The following PDE1C variants were observed in gnomAD, a reference collection of about 807,000 sequenced individuals.
The protein encoded by PDE1C is phosphodiesterase 1C.
Under a neutral mutation model 93.1 loss-of-function variants are expected in PDE1C, and 62 were observed. That is an observed-to-expected ratio of 0.67 (90% CI 0.54 to 0.82). The LOEUF (loss-of-function observed/expected upper bound fraction) is 0.82. PDE1C is among the 40% of genes least tolerant of loss of function. The pLI is 0.00. For missense variants in PDE1C, 742 were observed against 884.6 expected, an observed-to-expected ratio of 0.84 and a Z score of 2.04; for synonymous variants, 325 against 310.1, an observed-to-expected ratio of 1.05 and a Z score of -0.50.
chr7:31,974,823 G>A (rs1404713808), intron 2 of PDE1C, among the ~76,000 whole-genome samples: 1 of 152,190 alleles, frequency 6.6e-6, no homozygotes, highest in Non-Finnish European at 1.5e-5. Context: ...GGTGATGGTT[G>A]TACAACTCTG....
chr7:31,760,759 TACAC>T (rs10573498), intron 17 of PDE1C, among the ~76,000 whole-genome samples: 48,679 of 148,474 alleles, frequency 0.33, 7,805 homozygotes, highest in Admixed American at 0.38. Flanking sequence ...CTGCAATGTG[TACAC>T]ACACACACAC....
chr7:32,194,083 T>A (rs1804434561), intron 2 of PDE1C, among the ~76,000 whole-genome samples: 1 of 151,880 alleles, frequency 6.6e-6, no homozygotes, highest in Non-Finnish European at 1.5e-5. Context: ...CCCGGTAATT[T>A]TTTTGTATTT....
the PDE1C span, among the ~76,000 whole-genome samples, chr7:31,621,492 T>C: frequency 7.1e-6 from 1 of 141,684 alleles, no homozygotes; most frequent in African/African-American, 2.7e-5. Context: ...CAGAATTTCA[T>C]ATCCAGCCAA....
intron 16 of PDE1C, among the ~76,000 whole-genome samples, chr7:31,806,746 C>T (rs569245118): frequency 2.0e-5 from 3 of 151,884 alleles, no homozygotes; most frequent in African/African-American, 4.8e-5. Flanking sequence ...CCCAGATACT[C>T]CCTCTCAAAT....
chr7:31,921,370 A>C (rs1486792956), intron 2 of PDE1C, among the ~76,000 whole-genome samples: 2 of 152,206 alleles, frequency 1.3e-5, no homozygotes, highest in Non-Finnish European at 2.9e-5. Flanking sequence ...AGGAGTTTCT[A>C]GTCTGTAGAG....
intron 9 of PDE1C, among the ~76,000 whole-genome samples, chr7:31,844,821 T>A (rs978681537): frequency 6.6e-6 from 1 of 152,074 alleles, no homozygotes; most frequent in Non-Finnish European, 1.5e-5. Context: ...TAACTTCTAC[T>A]CATTTAAAAC....
At chr7:31,666,997 G>A in the PDE1C span, among the ~76,000 whole-genome samples, 2 of 152,164 alleles carry the variant, frequency 1.3e-5, no homozygotes, top group Non-Finnish European at 2.9e-5. Context: ...AAACAACAGA[G>A]AAGGAAAGAC....
At chr7:32,414,212 CAAAA>C (rs112389316) in intron 1 of PDE1C, among the ~76,000 whole-genome samples, 1 of 104,036 alleles carries the variant, frequency 9.6e-6, no homozygotes, top group African/African-American at 3.5e-5. Context: ...GACCCAGTCT[CAAAA>C]AAAAAAAAGG....
At chr7:31,887,699 G>A (rs1798124894) in intron 2 of PDE1C, among the ~76,000 whole-genome samples, 1 of 151,924 alleles carries the variant, frequency 6.6e-6, no homozygotes, top group Non-Finnish European at 1.5e-5. Flanking sequence ...CCATGTGCAG[G>A]GTCACAGAGA....
At chr7:32,089,448 C>A (rs1323399088) in intron 3 of PDE1C, among the ~76,000 whole-genome samples, 1 of 152,138 alleles carries the variant, frequency 6.6e-6, no homozygotes, top group Non-Finnish European at 1.5e-5. Context: ...AGCCCTCTGA[C>A]AATGGTACTA....
chr7:32,282,485 A>AATAGATAGATAGATAGATAGATAG (rs1554300214), intron 1 of PDE1C, among the ~76,000 whole-genome samples: 26,695 of 143,658 alleles, frequency 0.19, 2,595 homozygotes, highest in East Asian at 0.23. Context: ...TCAAAAAAAA[A>AATAGATAGATAGATAGATAGATAG]ATAGATAGAT....
chr7:32,062,649 G>T (rs145785476), intron 1 of PDE1C, among the ~76,000 whole-genome samples: 1 of 152,262 alleles, frequency 6.6e-6, no homozygotes, highest in African/African-American at 2.4e-5. Context: ...CCCTGTGCTG[G>T]ACTTCTTGCA....
chr7:32,124,654 A>G (rs1467630897), intron 3 of PDE1C, among the ~76,000 whole-genome samples: 1 of 152,120 alleles, frequency 6.6e-6, no homozygotes, highest in East Asian at 1.9e-4. Context: ...AGCCATATGC[A>G]GAAAACTGGC....
chr7:32,082,357 G>A (rs1267144625), intron 3 of PDE1C, among the ~76,000 whole-genome samples: 19 of 152,196 alleles, frequency 1.2e-4, no homozygotes, highest in South Asian at 2.1e-4. Context: ...CAAAGCAGCC[G>A]GGAAGCTCGA....
At chr7:31,962,774 T>C (rs1453462662) in intron 2 of PDE1C, among the ~76,000 whole-genome samples, 1 of 152,174 alleles carries the variant, frequency 6.6e-6, no homozygotes, top group Non-Finnish European at 1.5e-5. Context: ...TCCTGCACAT[T>C]AGAGTTTGAC....
At chr7:31,963,819 T>G (rs531222809) in intron 2 of PDE1C, among the ~76,000 whole-genome samples, 32 of 152,294 alleles carry the variant, frequency 2.1e-4, no homozygotes, top group Admixed American at 6.5e-4. Context: ...ATGAAAGAAT[T>G]TTATAACCAC....
chr7:32,386,459 A>G (rs1444787813), intron 1 of PDE1C, among the ~76,000 whole-genome samples: 1 of 70,560 alleles, frequency 1.4e-5, no homozygotes, highest in Non-Finnish European at 2.8e-5. Context: ...TAACAGTTGC[A>G]TAATATTTCC....
In PDE1C at chr7:31,751,268, A is replaced by C. The variant is rs1229889850; in HGVS notation, c.*2116T>G. The C allele has an allele frequency of 6.6e-6, 1 of 152,238 alleles. No homozygotes were observed. Among genetic ancestry groups the C allele is most frequent in the Non-Finnish European group, 1.5e-5 (1 of 68,044 alleles). The allele number at this position is 152,238 out of a possible 1,614,324, so 9.4% of individuals were successfully genotyped here. A position where few individuals can be genotyped will look rare whatever the true frequency, so the allele number is the denominator to read the frequency against. ...GCAAAAAACATGGTAGGCATTTTAT[A>C]AGCAGTGCAAAATCTCAACATCTGT... On this transcript the variant is annotated 3_prime_UTR_variant, in exon 18 of 18. Coordinates refer to ENST00000396191, the MANE Select transcript of PDE1C (RefSeq NM_001191057.4).
chr7:32,222,770 G>T (rs1377977922), intron 1 of PDE1C, among the ~76,000 whole-genome samples: 1 of 152,100 alleles, frequency 6.6e-6, no homozygotes, highest in African/African-American at 2.4e-5. Flanking sequence ...TGTGCATTAG[G>T]ACTCTAACAT....
Sources: allele counts gnomAD v4.1 joint callset (sites outside exome capture counted in the v4.1 genomes callset), GRCh38; gene constraint gnomAD v4.1.1; transcripts MANE v1.5; gene names NCBI Gene and HGNC (gene_info 2026-07-23, HGNC 2026-07-21).